CDK8: variants seen among roughly 807,000 people sequenced by gnomAD.
CDK8 encodes the protein cyclin-dependent kinase 8.
CDK8 carries 29 observed loss-of-function variants against 71.5 expected under a neutral mutation model. The ratio of observed to expected loss-of-function variants is 0.41; its 90% CI spans 0.30 to 0.55. CDK8 has a LOEUF of 0.55. Ranked by LOEUF, CDK8 falls within the 20% of genes least tolerant of loss-of-function variation. The pLI, the probability that CDK8 is intolerant of heterozygous loss-of-function variation, is 0.37. For missense variants in CDK8, 288 were observed against 572.6 expected (o/e 0.50, Z 5.07); for synonymous variants, 161 against 192.1 (o/e 0.84, Z 1.34).
At chr13:26,398,075 C>T (rs562219967) in intron 9 of CDK8, among the ~76,000 whole-genome samples, 1 of 152,192 alleles carries the variant, frequency 6.6e-6, no homozygotes, top group East Asian at 1.9e-4. Flanking sequence ...TTTGTTTCTC[C>T]TTTTTCTTCG....
At chr13:26,348,965 A>G (rs1421719784) in intron 2 of CDK8, 107 bp from the exon 3 acceptor site, 3 of 744,576 alleles carry the variant, frequency 4.0e-6, no homozygotes, top group Admixed American at 4.3e-5. Flanking sequence ...TAGATGTTTA[A>G]GATTGTTTAC....
intron 1 of CDK8, among the ~76,000 whole-genome samples, chr13:26,312,756 C>T (rs1874346915): frequency 6.6e-6 from 1 of 152,204 alleles, no homozygotes; most frequent in African/African-American, 2.4e-5. Context: ...GTCTGCTCCT[C>T]CTTGTGTGCC....
intron 2 of CDK8, 129 bp from the exon 3 acceptor site, chr13:26,348,943 G>T (rs895687539): frequency 2.9e-6 from 2 of 689,412 alleles, no homozygotes; most frequent in Non-Finnish European, 5.2e-6. Context: ...TCAGAATTGT[G>T]TGGGTGCTTA....
At chr13:26,372,003 A>G (rs1481244136) in intron 4 of CDK8, among the ~76,000 whole-genome samples, 4 of 152,190 alleles carry the variant, frequency 2.6e-5, no homozygotes, top group Non-Finnish European at 4.4e-5. Flanking sequence ...ATGTAATTTA[A>G]TAGGTTACGT....
At chr13:26,289,204 G>A (rs1873178342) in intron 1 of CDK8, among the ~76,000 whole-genome samples, 2 of 151,798 alleles carry the variant, frequency 1.3e-5, no homozygotes, top group African/African-American at 4.8e-5. Flanking sequence ...ACAGGCGCAT[G>A]CCACCATGCC....
At chr13:26,349,456 GATAAA>G (rs1273439761) in intron 3 of CDK8, among the ~76,000 whole-genome samples, 7 of 151,924 alleles carry the variant, frequency 4.6e-5, no homozygotes, top group Non-Finnish European at 5.9e-5. Context: ...ATAGTTTTTT[GATAAA>G]ATAAAAAGTA....
chr13:26,339,556 T>C (rs1873137260), intron 2 of CDK8, among the ~76,000 whole-genome samples: 1 of 151,382 alleles, frequency 6.6e-6, no homozygotes, highest in African/African-American at 2.4e-5. Context: ...TTTTAGGTTC[T>C]TTAGCATTAT....
intron 6 of CDK8, among the ~76,000 whole-genome samples, chr13:26,386,770 C>T (rs1420813908): frequency 6.6e-5 from 10 of 152,152 alleles, no homozygotes; most frequent in Non-Finnish European, 1.0e-4. Flanking sequence ...TTGGATGACA[C>T]CCCTCCATTG....
At chr13:26,336,593 G>A (rs1282238977) in intron 1 of CDK8, among the ~76,000 whole-genome samples, 8 of 131,194 alleles carry the variant, frequency 6.1e-5, no homozygotes, top group South Asian at 2.5e-4. Flanking sequence ...TCGCTCTGTC[G>A]CCCAGGCTGG....
At chr13:26,357,519 CTTTG>C (rs1046870586) in intron 4 of CDK8, among the ~76,000 whole-genome samples, 2 of 152,152 alleles carry the variant, frequency 1.3e-5, no homozygotes, top group Non-Finnish European at 2.9e-5. Context: ...CTTCCCTTTT[CTTTG>C]TTTATTCTCT....
intron 12 of CDK8, among the ~76,000 whole-genome samples, chr13:26,402,644 C>T (rs1430176711): frequency 6.6e-6 from 1 of 152,192 alleles, no homozygotes; most frequent in Non-Finnish European, 1.5e-5. Flanking sequence ...GTTAGCTAAA[C>T]AAGGACACCA....
At chr13:26,376,147 C>A (rs185745335) in intron 4 of CDK8, among the ~76,000 whole-genome samples, 3 of 152,022 alleles carry the variant, frequency 2.0e-5, no homozygotes, top group Non-Finnish European at 2.9e-5. Flanking sequence ...AAATTAACAT[C>A]GTTTAGAATA....
intron 4 of CDK8, among the ~76,000 whole-genome samples, chr13:26,377,440 C>G (rs117612445): frequency 7.2e-5 from 11 of 152,218 alleles, no homozygotes; most frequent in African/African-American, 2.7e-4. Context: ...ATGTATAGTA[C>G]TTGAACTGTT....
chr13:26,297,181 G>C (rs1048656978), intron 1 of CDK8, among the ~76,000 whole-genome samples: 2 of 152,076 alleles, frequency 1.3e-5, no homozygotes, highest in African/African-American at 2.4e-5. Context: ...GGCTCCCAAA[G>C]GAAAATGTTT....
rs148823368 is a variant in CDK8, at chr13:26,297,934, A to G, written c.129-39633A>G. On this transcript the variant is annotated intron_variant, in intron 1 of 12. Transcript: ENST00000381527. Reference sequence around the variant, plus strand: ...GGTTATAGGGTGCTGTCCTCTCGCTATATCCTCACTTGGTGGAAAGAGGCG... The same window carrying G: ...GGTTATAGGGTGCTGTCCTCTCGCTGTATCCTCACTTGGTGGAAAGAGGCG... Among the ~76,000 whole-genome samples, 371 of 152,220 alleles carry G rather than the reference A, an allele frequency of 2.4e-3. 3 individuals carry two copies. The highest frequency in any genetic ancestry group is 4.4e-3 in the Non-Finnish European group (302 of 67,996).
At chr13:26,262,832 A>G (rs1001228002) in intron 1 of CDK8, among the ~76,000 whole-genome samples, 1 of 152,208 alleles carries the variant, frequency 6.6e-6, no homozygotes, top group African/African-American at 2.4e-5. Context: ...CTTTTGTTAC[A>G]TGAGTAAAAA....
chr13:26,359,719 C>T, intron 4 of CDK8: 2 of 434,780 alleles, frequency 4.6e-6, no homozygotes, highest in South Asian at 1.6e-5. Context: ...TTTTTTTCTT[C>T]TTTTCTTTTT....
chr13:26,304,736 A>C (rs1219073796), intron 1 of CDK8, among the ~76,000 whole-genome samples: 7 of 152,088 alleles, frequency 4.6e-5, no homozygotes, highest in Non-Finnish European at 7.4e-5. Flanking sequence ...TCCTGGGCTC[A>C]AGGGGTTCTC....
intron 1 of CDK8, among the ~76,000 whole-genome samples, chr13:26,293,318 A>G (rs1013686283): frequency 6.6e-6 from 1 of 152,108 alleles, no homozygotes; most frequent in Non-Finnish European, 1.5e-5. Context: ...AATTGTGTAT[A>G]TTGGCTGGGC....
Sources: allele counts gnomAD v4.1 joint callset (sites outside exome capture counted in the v4.1 genomes callset), GRCh38; gene constraint gnomAD v4.1.1; transcripts MANE v1.5; gene names NCBI Gene and HGNC (gene_info 2026-07-23, HGNC 2026-07-21).